MAML3: variants seen among roughly 807,000 people sequenced by gnomAD.
MAML3 encodes mastermind like transcriptional coactivator 3.
Under a neutral mutation model 101.9 loss-of-function variants are expected in MAML3, and 27 were observed. The ratio of observed to expected loss-of-function variants is 0.27; its 90% CI spans 0.20 to 0.37. MAML3 has a LOEUF of 0.37. Ranked by LOEUF, MAML3 falls within the 10% of genes least tolerant of loss-of-function variation. The pLI is 1.00. For missense variants in MAML3, 1,316 were observed against 1,444.9 expected (o/e 0.91, Z 1.45); for synonymous variants, 501 against 555.9 (o/e 0.90, Z 1.39).
rs28841704 is a variant in MAML3 at position 139,883,368 on chromosome 4, A to G, written c.2079+5989T>C. On this transcript the variant is annotated intron_variant, in intron 2 of 4. Transcript: ENST00000509479. ...GCCCCTCACCCTGCCCAAAAGGGCA[A>G]TCATAAATTCCAAGGAAAACAAAAA... is the stretch of plus-strand genomic sequence containing the variant. Among the ~76,000 whole-genome samples the G allele has an allele frequency of 2.7e-3, 414 of 152,382 alleles. 1 individual carries two copies. The highest frequency in any genetic ancestry group is 0.017 in the Middle Eastern group (5 of 294).
At chr4:139,915,884 A>C (rs1418629869) in intron 1 of MAML3, among the ~76,000 whole-genome samples, 1 of 152,152 alleles carries the variant, frequency 6.6e-6, no homozygotes, top group Non-Finnish European at 1.5e-5. Context: ...CCCTGCTAAC[A>C]CAGACGAACC....
In MAML3 at chr4:140,154,183, G is replaced by A. The variant is rs777282622; in HGVS notation, c.-856C>T. ...CCTCCTCCTCCTCCATGCCAGCGGA[G>A]TGATATCAGGACGCGCGAGCTCAGT... On this transcript the variant is annotated 5_prime_UTR_variant, in exon 1 of 5. Transcript: ENST00000509479. 147 of 159,126 alleles carry A rather than the reference G, an allele frequency of 9.2e-4. No homozygotes were observed. The highest frequency in any genetic ancestry group is 1.8e-3 in the Non-Finnish European group (129 of 72,064). The allele number at this position is 159,126 out of a possible 1,614,324, so 9.9% of individuals were successfully genotyped here.
At chr4:139,936,669 T>C (rs1326592604) in intron 1 of MAML3, among the ~76,000 whole-genome samples, 1 of 152,058 alleles carries the variant, frequency 6.6e-6, no homozygotes, top group African/African-American at 2.4e-5. Context: ...TGAATAGCCA[T>C]TGCACTCCAG....
At chr4:140,130,205 G>A (rs772610020) in intron 1 of MAML3, among the ~76,000 whole-genome samples, 16 of 152,108 alleles carry the variant, frequency 1.1e-4, no homozygotes, top group South Asian at 2.1e-4. Flanking sequence ...CAGTTTATCC[G>A]TGCATCTCAG....
At chr4:139,845,311 A>G (rs1338308120) in intron 2 of MAML3, among the ~76,000 whole-genome samples, 1 of 152,212 alleles carries the variant, frequency 6.6e-6, no homozygotes, top group Non-Finnish European at 1.5e-5. Flanking sequence ...GGGAGGCTCA[A>G]TGTGGACATG....
chr4:140,055,859 T>TA (rs370338814), intron 1 of MAML3, among the ~76,000 whole-genome samples: 5,269 of 143,050 alleles, frequency 0.037, 99 homozygotes, highest in Middle Eastern at 0.047. Context: ...GTTAGTAGTT[T>TA]AAAAAAAAAA....
chr4:140,011,146 TC>T (rs1281825938), intron 1 of MAML3, among the ~76,000 whole-genome samples: 30 of 94,888 alleles, frequency 3.2e-4, no homozygotes, highest in African/African-American at 1.2e-3. Context: ...TACACATATG[TC>T]ATATATATTT....
At chr4:139,796,388 G>A (rs984130209) in intron 2 of MAML3, among the ~76,000 whole-genome samples, 1 of 152,218 alleles carries the variant, frequency 6.6e-6, no homozygotes, top group Non-Finnish European at 1.5e-5. Context: ...ACAGATTAAA[G>A]AGAAAATAGC....
intron 1 of MAML3, among the ~76,000 whole-genome samples, chr4:139,998,945 T>C (rs764176301): frequency 6.6e-6 from 1 of 152,218 alleles, no homozygotes. Flanking sequence ...TCAAACACCT[T>C]GAGCCAGGAA....
chr4:139,758,820 C>T (rs539938139), intron 2 of MAML3, among the ~76,000 whole-genome samples: 103 of 152,294 alleles, frequency 6.8e-4, no homozygotes, highest in Admixed American at 2.0e-3. Flanking sequence ...CTAAAGTTTC[C>T]TGAAGATCAC....
intron 1 of MAML3, among the ~76,000 whole-genome samples, chr4:139,947,096 G>A (rs1474827229): frequency 6.6e-6 from 1 of 152,162 alleles, no homozygotes; most frequent in Non-Finnish European, 1.5e-5. Flanking sequence ...AGTCATTGAT[G>A]TCAGTGTGTC....
chr4:140,118,481 T>C (rs867706188), intron 1 of MAML3, among the ~76,000 whole-genome samples: 18 of 152,118 alleles, frequency 1.2e-4, no homozygotes, highest in African/African-American at 3.4e-4. Context: ...AGCAGAACCA[T>C]AACCTTGACT....
At chr4:139,953,112 T>C (rs766562944) in intron 1 of MAML3, among the ~76,000 whole-genome samples, 7 of 152,310 alleles carry the variant, frequency 4.6e-5, no homozygotes, top group Non-Finnish European at 8.8e-5. Flanking sequence ...GGTATGCTAT[T>C]ATTTGGGTTT....
intron 2 of MAML3, among the ~76,000 whole-genome samples, chr4:139,739,744 G>T (rs1019405342): frequency 4.3e-5 from 6 of 138,384 alleles, no homozygotes; most frequent in African/African-American, 1.3e-4. Context: ...GAAAAAAGCA[G>T]TTTCTAAAAA....
At chr4:139,831,511 T>C (rs1262659706) in intron 2 of MAML3, among the ~76,000 whole-genome samples, 1 of 152,192 alleles carries the variant, frequency 6.6e-6, no homozygotes, top group East Asian at 1.9e-4. Context: ...TGTTTATTGA[T>C]AAAGGCCTAG....
chr4:139,783,846 A>C (rs1730259553), intron 2 of MAML3, among the ~76,000 whole-genome samples: 1 of 152,116 alleles, frequency 6.6e-6, no homozygotes, highest in East Asian at 1.9e-4. Flanking sequence ...ATTCATCTTC[A>C]AGTTATGTTG....
rs1382776705 is a variant in MAML3, at chr4:139,890,109, C to T, written c.1327G>A (p.Ala443Thr). 2 of 1,613,786 alleles carry T rather than the reference C, an allele frequency of 1.2e-6. No individual in the cohort carries two copies. Among genetic ancestry groups the T allele is most frequent in the East Asian group, 4.5e-5 (2 of 44,886 alleles). The change falls in exon 2 of 5, where the codon GCA (alanine) becomes ACA (threonine). Residue 443 changes from alanine to threonine, a missense_variant. Coordinates refer to ENST00000509479, the MANE Select transcript of MAML3 (RefSeq NM_018717.5). This position sits in a 1 kb window ranked among gnomAD's most constrained non-coding sequence, Gnocchi z 4.1. ...GCTGAACCGGCCACTGTCACTGCTG[C>T]CGGATTCAGGAGATAACCATTTCCA... is the stretch of plus-strand genomic sequence containing the variant. ...RPGNGYLLNP[A>T]AVTVAGSASG...
intron 1 of MAML3, among the ~76,000 whole-genome samples, chr4:140,123,988 A>T (rs1305183559): frequency 6.6e-6 from 1 of 152,240 alleles, no homozygotes; most frequent in African/African-American, 2.4e-5. Context: ...AAGGCTTGAA[A>T]TGAAAATCCC....
intron 2 of MAML3, among the ~76,000 whole-genome samples, chr4:139,768,298 AT>A: frequency 1.5e-5 from 2 of 137,106 alleles, no homozygotes; most frequent in East Asian, 4.3e-4. Context: ...CTAATTGATA[AT>A]TTTTGTTTTT....
Sources: gnomAD v4.1 joint callset for allele counts (sites outside exome capture counted in the v4.1 genomes callset) on GRCh38, gnomAD v4.1.1 for gene constraint, Gnocchi (gnomAD v3.1) non-coding constraint, MANE v1.5 for transcripts, NCBI Gene and HGNC (gene_info 2026-07-23, HGNC 2026-07-21) for gene names.